Variants in PLCB4 observed in about 807,000 individuals in gnomAD.
PLCB4 encodes the protein 1-phosphatidylinositol 4,5-bisphosphate phosphodiesterase beta-4.
In PLCB4, 77 loss-of-function variants were observed where a neutral mutation model predicts 178.8. The observed-to-expected ratio is 0.43, with a 90% CI of 0.36 to 0.52. The LOEUF is 0.52. Among genes scored for constraint, PLCB4 ranks in the 20% least tolerant of loss-of-function variants. The pLI is 0.00. For missense variants in PLCB4, 1,024 were observed against 1,453.4 expected (o/e 0.70, Z 4.80); for synonymous variants, 496 against 490.8 (o/e 1.01, Z -0.14).
intron 4 of PLCB4, among the ~76,000 whole-genome samples, chr20:9,311,886 T>C (rs1323745421): frequency 6.6e-6 from 1 of 152,232 alleles, no homozygotes; most frequent in Non-Finnish European, 1.5e-5. Flanking sequence ...GTTGCCGTTA[T>C]GGCAGCCACA....
At chr20:9,362,997 C>CACT in intron 8 of PLCB4, 22 bp downstream of exon 8, 5 of 1,539,020 alleles carry the variant, frequency 3.2e-6, no homozygotes, top group South Asian at 1.1e-5. Context: ...TTGCATTACT[C>CACT]GTTTTTCTTG....
At chr20:9,212,137 G>C (rs146458656) in intron 2 of PLCB4, among the ~76,000 whole-genome samples, 1 of 152,180 alleles carries the variant, frequency 6.6e-6, no homozygotes, top group African/African-American at 2.4e-5. Flanking sequence ...CTTGGAAAGT[G>C]CTTGTGCTTT....
At chr20:9,412,091 G>T (rs1457617460) in intron 25 of PLCB4, among the ~76,000 whole-genome samples, 1 of 152,176 alleles carries the variant, frequency 6.6e-6, no homozygotes, top group African/African-American at 2.4e-5. Flanking sequence ...TACATACCTG[G>T]AGCATGCCCT....
chr20:9,165,563 G>A (rs572906777), intron 2 of PLCB4, among the ~76,000 whole-genome samples: 1 of 152,116 alleles, frequency 6.6e-6, no homozygotes, highest in South Asian at 2.1e-4. Context: ...ACTAAATGTG[G>A]GAGGCACAGC....
intron 3 of PLCB4, among the ~76,000 whole-genome samples, chr20:9,250,596 C>T (rs561341645): frequency 6.6e-6 from 1 of 152,292 alleles, no homozygotes; most frequent in East Asian, 1.9e-4. Context: ...CATATTCTTA[C>T]CATAGTTCTG....
At chr20:9,249,520 T>C (rs565464952) in intron 3 of PLCB4, among the ~76,000 whole-genome samples, 3 of 152,266 alleles carry the variant, frequency 2.0e-5, no homozygotes, top group South Asian at 2.1e-4. Flanking sequence ...CTTGCTATGT[T>C]GCCCAGGCTG....
At chr20:9,099,274 A>C (rs1476262734) in intron 2 of PLCB4, among the ~76,000 whole-genome samples, 3 of 152,138 alleles carry the variant, frequency 2.0e-5, no homozygotes, top group Non-Finnish European at 4.4e-5. Context: ...AATGTTTTTA[A>C]ATAGTCAGAA....
At chr20:9,334,445 G>A (rs559042925) in intron 4 of PLCB4, among the ~76,000 whole-genome samples, 2 of 152,248 alleles carry the variant, frequency 1.3e-5, no homozygotes, top group African/African-American at 4.8e-5. Flanking sequence ...GGGGTAGTAA[G>A]TAACCATTGA....
chr20:9,167,277 C>T (rs114726297), intron 2 of PLCB4, among the ~76,000 whole-genome samples: 3,083 of 151,908 alleles, frequency 0.02, 52 homozygotes, highest in Middle Eastern at 0.031. Flanking sequence ...TAAAAAAAAA[C>T]AGTCCCTTGA....
At chr20:9,443,868 G>A (rs1185993980) in intron 30 of PLCB4, 113 bp from the exon 31 acceptor site, 48 of 646,546 alleles carry the variant, frequency 7.4e-5, no homozygotes, top group Non-Finnish European at 5.2e-5. Flanking sequence ...TTCATCATAT[G>A]TAAAGCTGCT....
At position 9,220,474 on chromosome 20, in the gene PLCB4, A is replaced by C. The variant is rs551127255; in HGVS notation, c.-16+3022A>C. Among the ~76,000 whole-genome samples the C allele has an allele frequency of 8.5e-5, 13 of 152,290 alleles. No individual in the cohort carries two copies. The South Asian group carries it at 2.5e-3, about 29-fold the overall frequency. On this transcript the variant is annotated intron_variant, in intron 3 of 39. Coordinates refer to ENST00000378473, the MANE Select transcript of PLCB4 (RefSeq NM_001377142.1). ...TGGTCAAACCCTGTCTCTACTAAAA[A>C]TACAAAAAAAAGTTAGCTGGGCATG...
At chr20:9,222,188 C>G (rs2093808358) in intron 3 of PLCB4, among the ~76,000 whole-genome samples, 1 of 151,720 alleles carries the variant, frequency 6.6e-6, no homozygotes, top group Admixed American at 6.6e-5. Context: ...CTCCTGGGCT[C>G]AAGTTATCCT....
intron 7 of PLCB4, among the ~76,000 whole-genome samples, chr20:9,358,341 C>G (rs1030778765): frequency 5.3e-5 from 8 of 152,124 alleles, no homozygotes; most frequent in African/African-American, 1.9e-4. Context: ...AACAGAGAGC[C>G]AAACATCAAA....
chr20:9,175,880 G>T (rs987246373), intron 2 of PLCB4, among the ~76,000 whole-genome samples: 6 of 152,032 alleles, frequency 3.9e-5, no homozygotes, highest in African/African-American at 1.2e-4. Context: ...TAATTTACAC[G>T]GAATGATATG....
chr20:9,102,802 A>G (rs1600417510), intron 2 of PLCB4, among the ~76,000 whole-genome samples: 1 of 152,164 alleles, frequency 6.6e-6, no homozygotes, highest in African/African-American at 2.4e-5. Context: ...TTGTAACCTG[A>G]GACAGATGAT....
In PLCB4 at chr20:9,385,990, C is replaced by T. The variant is rs146334199; in HGVS notation, c.1065-1473C>T. Among the ~76,000 whole-genome samples the T allele has an allele frequency of 4.1e-3, 625 of 152,322 alleles. 7 individuals are homozygous for T. The highest frequency in any genetic ancestry group is 0.013 in the African/African-American group (525 of 41,588). On this transcript the variant is annotated intron_variant, in intron 14 of 39. Transcript: ENST00000378473. Reference sequence around the variant, plus strand: ...ACTGAGCATTGAGTGAGCGAGACTCCGTCTGCAATCCCAGCACCCCGGGAG... The same window carrying T: ...ACTGAGCATTGAGTGAGCGAGACTCTGTCTGCAATCCCAGCACCCCGGGAG...
intron 7 of PLCB4, among the ~76,000 whole-genome samples, chr20:9,350,703 T>G (rs966194376): frequency 6.6e-6 from 1 of 152,092 alleles, no homozygotes; most frequent in Non-Finnish European, 1.5e-5. Flanking sequence ...GGATTACAGG[T>G]GCATGCCACC....
At chr20:9,366,840 T>G (rs1409960862) in intron 9 of PLCB4, among the ~76,000 whole-genome samples, 1 of 152,352 alleles carries the variant, frequency 6.6e-6, no homozygotes, top group Non-Finnish European at 1.5e-5. Context: ...TCATGTTCAC[T>G]TCTCTGGACA....
chr20:9,334,958 C>T (rs1033801945), intron 4 of PLCB4, among the ~76,000 whole-genome samples: 3 of 152,052 alleles, frequency 2.0e-5, no homozygotes, highest in African/African-American at 7.2e-5. Context: ...AAAGTTCACT[C>T]TCAAAATAAG....
Sources: gnomAD v4.1 joint callset for allele counts (sites outside exome capture counted in the v4.1 genomes callset) on GRCh38, gnomAD v4.1.1 for gene constraint, MANE v1.5 for transcripts, NCBI Gene and HGNC (gene_info 2026-07-23, HGNC 2026-07-21) for gene names.